TUT4: variants seen among roughly 807,000 people sequenced by gnomAD.
TUT4 encodes the protein terminal uridylyl transferase 4, also known as terminal uridylyltransferase 4.
Under a neutral mutation model 192.2 loss-of-function variants are expected in TUT4, and 36 were observed. That is an observed-to-expected ratio of 0.19 (90% CI 0.14 to 0.25). TUT4 has a LOEUF of 0.25. Ranked by LOEUF, TUT4 falls within the 10% of genes least tolerant of loss-of-function variation. TUT4 has a pLI of 1.00. For synonymous variants in TUT4, 618 were observed against 666.0 expected (o/e 0.93, Z 1.11); for missense variants, 1,493 against 1,957.2 (o/e 0.76, Z 4.47).
chr1:52,454,120 G>C (rs1261868423), intron 20 of TUT4, among the ~76,000 whole-genome samples: 5 of 152,130 alleles, frequency 3.3e-5, no homozygotes, highest in African/African-American at 1.2e-4. Flanking sequence ...TTGACAGGAA[G>C]ACTCAAAATT....
At chr1:52,498,612 T>G (rs1219245366) in intron 4 of TUT4, among the ~76,000 whole-genome samples, 1 of 151,688 alleles carries the variant, frequency 6.6e-6, no homozygotes, top group Non-Finnish European at 1.5e-5. Flanking sequence ...AAAGGCCGGA[T>G]GCAGCGGCTC....
At chr1:52,480,670 G>A (rs1668276040) in intron 11 of TUT4, among the ~76,000 whole-genome samples, 1 of 152,178 alleles carries the variant, frequency 6.6e-6, no homozygotes, top group South Asian at 2.1e-4. Flanking sequence ...AATTGCTAGA[G>A]TGATATTCTG....
intron 2 of TUT4, among the ~76,000 whole-genome samples, chr1:52,522,739 A>G (rs1680611494): frequency 6.6e-6 from 1 of 152,066 alleles, no homozygotes; most frequent in Non-Finnish European, 1.5e-5. Flanking sequence ...CAGCCTGGCC[A>G]ACATGGCGAA....
Position 52,423,769 on chromosome 1 carries a change from C to T in TUT4, c.*166G>A. ...CAGTCTTAGAATTTAAATAAGCTAT[C>T]TAAACGTGTTAAAATTTTAAATCAG... On this transcript the variant is annotated 3_prime_UTR_variant, in exon 30 of 30. Transcript: ENST00000257177. 6.8e-7 allele frequency: 1 copy of T among 1,479,884 alleles called. No homozygotes were observed. The highest frequency in any genetic ancestry group is 9.1e-7 in the Non-Finnish European group (1 of 1,094,192). 91.7% of individuals were successfully genotyped at this position (1,479,884 alleles called of 1,614,324 possible).
In TUT4 at chr1:52,431,210, G is replaced by A. The variant is rs1391842228; in HGVS notation, c.4514C>T (p.Ser1505Phe). ...GATCACTGGGCCATGGATGGGCCAGGACGGGGCAGGGATCTGGAGAGGGTG... is the reference window on the plus strand; with the variant it reads ...GATCACTGGGCCATGGATGGGCCAGAACGGGGCAGGGATCTGGAGAGGGTG... ...PMHPLQIPAP[S>F]WPIHGPVIHS... Residue 1505 changes from serine (S) to phenylalanine (F), a missense_variant, in exon 28 of 30, where the codon TCC (serine) becomes TTC (phenylalanine). Ser to Phe is a radical substitution (Grantham distance 155, BLOSUM62 -2). Around this residue, in one of 7 missense-constraint regions of TUT4, gnomAD observed 351 missense variants for 397.8 expected, o/e 0.88. Coordinates refer to ENST00000257177, the MANE Select transcript of TUT4 (RefSeq NM_001009881.3). 6.2e-7 allele frequency: 1 copy of A among 1,614,100 alleles called. No individual in the cohort carries two copies. Among genetic ancestry groups the A allele is most frequent in the East Asian group, 2.2e-5 (1 of 44,886 alleles).
chr1:52,470,344 A>G (rs554548625), intron 14 of TUT4, among the ~76,000 whole-genome samples: 4 of 152,326 alleles, frequency 2.6e-5, no homozygotes, highest in Admixed American at 6.5e-5. Flanking sequence ...ACATTGAGGT[A>G]AATAAATTAC....
intron 9 of TUT4, among the ~76,000 whole-genome samples, chr1:52,485,624 T>C (rs1669596082): frequency 6.6e-6 from 1 of 152,136 alleles, no homozygotes; most frequent in Non-Finnish European, 1.5e-5. Context: ...CTTCCATTTC[T>C]AGCTGACTTA....
intron 24 of TUT4, among the ~76,000 whole-genome samples, chr1:52,444,099 G>A (rs1360477652): frequency 6.6e-6 from 1 of 152,056 alleles, no homozygotes; most frequent in Non-Finnish European, 1.5e-5. Context: ...AGCTGGGCGT[G>A]GTGTCGGGCG....
Position 52,461,601 on chromosome 1 carries a change from A to G in TUT4, c.3143T>C (p.Leu1048Ser). Residue 1048 changes from leucine to serine, a missense_variant, in exon 18 of 30, where the codon TTG becomes TCG. Leu to Ser is a moderately radical substitution (Grantham distance 145). This residue lies in a region of TUT4 where 141 missense variants were observed against 382.7 expected (regional missense o/e 0.37). Coordinates refer to ENST00000257177, the MANE Select transcript of TUT4 (RefSeq NM_001009881.3). ...LKRHPGLRNI[L>S]PITTAKVPIV... is the part of the protein sequence containing the mutation. ...AGGCACTTTGGCAGTAGTTATAGGC[A>G]AAATGTTTCTTAAACCTAATTTAAA... is the stretch of plus-strand genomic sequence containing the variant. The G allele has an allele frequency of 6.2e-7, 1 of 1,611,290 alleles. No individual in the cohort carries two copies. The highest frequency in any genetic ancestry group is 8.5e-7 in the Non-Finnish European group (1 of 1,179,004).
intron 15 of TUT4, among the ~76,000 whole-genome samples, chr1:52,467,896 A>AG (rs1295124629): frequency 2.0e-5 from 3 of 152,162 alleles, no homozygotes; most frequent in Non-Finnish European, 4.4e-5. Flanking sequence ...CTACCTTATG[A>AG]GAGAGGCCTA....
chr1:52,454,503 T>C (rs536061892), intron 20 of TUT4, among the ~76,000 whole-genome samples: 2 of 152,280 alleles, frequency 1.3e-5, no homozygotes, highest in Non-Finnish European at 2.9e-5. Context: ...ACAAATGGTA[T>C]TGAAACAAAT....
rs754365033 is a variant in TUT4, at chr1:52,474,937, G to C, written c.2622C>G (p.Cys874Trp). The change falls in exon 13 of 30, where the codon TGC becomes TGG. Residue 874 changes from cysteine to tryptophan, a missense_variant. By Grantham distance (215) the Cys-to-Trp change is radical. Around this residue, in one of 7 missense-constraint regions of TUT4, gnomAD observed 245 missense variants for 218.4 expected, o/e 1.12. Transcript: ENST00000257177. Reference sequence around the variant, plus strand: ...AAGCATCTTCTGTAGCTTTGCAGTTGCAAGAGGTAGCAGATGTGTCGGTGC... The same window carrying C: ...AAGCATCTTCTGTAGCTTTGCAGTTCCAAGAGGTAGCAGATGTGTCGGTGC... ...SVCTDTSATS[C>W]NCKATEDASD... 9.3e-6 allele frequency: 15 copies of C among 1,614,030 alleles called. No individual in the cohort carries two copies. The highest frequency in any genetic ancestry group is 8.8e-5 in the South Asian group (8 of 91,086).
At chr1:52,472,537 G>T (rs1266884515) in intron 13 of TUT4, among the ~76,000 whole-genome samples, 1 of 150,866 alleles carries the variant, frequency 6.6e-6, no homozygotes, top group African/African-American at 2.4e-5. Flanking sequence ...CACTTAGTTG[G>T]TTTATTAAAT....
Position 52,479,120 on chromosome 1 carries a change from C to T in TUT4, c.1849-1238G>A, listed in dbSNP as rs138691152. Among the ~76,000 whole-genome samples, 12 of 151,996 alleles carry T rather than the reference C, an allele frequency of 7.9e-5. 1 individual carries two copies. The East Asian group carries it at 1.7e-3, about 22-fold the overall frequency. ...TACGGTTTAAGAAGAGGGAAGGGTG[C>T]TACAGGAATGGGAAACAGGGCAAAC... On this transcript the variant is annotated intron_variant, in intron 11 of 29. Transcript: ENST00000257177.
intron 3 of TUT4, among the ~76,000 whole-genome samples, chr1:52,513,246 C>CA (rs1677744493): frequency 6.7e-6 from 1 of 149,894 alleles, no homozygotes; most frequent in South Asian, 2.1e-4. Context: ...TAAAAAAATA[C>CA]AAAAAACTAG....
At chr1:52,478,705 T>C (rs1667719506) in intron 11 of TUT4, among the ~76,000 whole-genome samples, 1 of 152,180 alleles carries the variant, frequency 6.6e-6, no homozygotes, top group Non-Finnish European at 1.5e-5. Flanking sequence ...ATCAGGGGAA[T>C]CATAACAGAA....
chr1:52,473,127 T>G (rs968096932), intron 13 of TUT4, among the ~76,000 whole-genome samples: 10 of 152,164 alleles, frequency 6.6e-5, no homozygotes, highest in Admixed American at 6.5e-4. Context: ...ACATGTAAAC[T>G]GAAGTTATAT....
At chr1:52,490,297 C>G (rs1235191520) in intron 8 of TUT4, among the ~76,000 whole-genome samples, 4 of 151,866 alleles carry the variant, frequency 2.6e-5, no homozygotes, top group Admixed American at 2.6e-4. Context: ...ACCACAGGCA[C>G]ACACACCCAC....
chr1:52,429,493 T>C (rs375066577), intron 28 of TUT4, among the ~76,000 whole-genome samples: 4 of 151,704 alleles, frequency 2.6e-5, no homozygotes, highest in Non-Finnish European at 4.4e-5. Flanking sequence ...GGTTGTAGTA[T>C]GCTAGATTGG....
Sources: allele counts gnomAD v4.1 joint callset (sites outside exome capture counted in the v4.1 genomes callset), GRCh38; gene constraint gnomAD v4.1.1; regional missense constraint gnomAD v4.1.1; transcripts MANE v1.5; gene names NCBI Gene and HGNC (gene_info 2026-07-23, HGNC 2026-07-21).